EYS: variants seen among roughly 807,000 people sequenced by gnomAD.
EYS encodes the protein EGF-like photoreceptor maintenance factor.
EYS carries 250 observed loss-of-function variants against 282.1 expected under a neutral mutation model. The observed-to-expected ratio is 0.89, with a 90% CI of 0.80 to 0.98. The LOEUF (loss-of-function observed/expected upper bound fraction) is 0.98. EYS is among the 50% of genes least tolerant of loss of function. The pLI is 0.00. For synonymous variants in EYS, 1,355 were observed against 1,282.9 expected (o/e 1.06, Z -1.20); for missense variants, 4,016 against 3,709.0 (o/e 1.08, Z -2.15).
intron 36 of EYS, among the ~76,000 whole-genome samples, chr6:63,808,240 G>A (rs536517106): frequency 9.1e-4 from 138 of 152,298 alleles, no homozygotes; most frequent in African/African-American, 3.2e-3. Flanking sequence ...GCATGTTCTA[G>A]GGTGTGAAGA....
At chr6:63,818,377 G>C (rs1048973548) in intron 36 of EYS, among the ~76,000 whole-genome samples, 1 of 152,112 alleles carries the variant, frequency 6.6e-6, no homozygotes, top group Non-Finnish European at 1.5e-5. Flanking sequence ...GTTTCTGTTG[G>C]AGTTCACAGA....
At chr6:64,732,609 G>A (rs567545942) in intron 22 of EYS, among the ~76,000 whole-genome samples, 38 of 152,174 alleles carry the variant, frequency 2.5e-4, no homozygotes, top group African/African-American at 5.3e-4. Context: ...ACCTAGTGGC[G>A]TATAGTAAAA....
intron 13 of EYS, among the ~76,000 whole-genome samples, chr6:65,009,861 C>A (rs1771811060): frequency 6.6e-6 from 1 of 152,222 alleles, no homozygotes; most frequent in South Asian, 2.1e-4. Flanking sequence ...ATGTATCCTG[C>A]CTATACTGGC....
intron 26 of EYS, among the ~76,000 whole-genome samples, chr6:64,530,643 G>A (rs1370999980): frequency 6.6e-6 from 1 of 151,846 alleles, no homozygotes; most frequent in African/African-American, 2.4e-5. Flanking sequence ...TAATGACTTC[G>A]TTTTTGTGTT....
At chr6:65,564,905 T>C (rs1277538398) in intron 2 of EYS, among the ~76,000 whole-genome samples, 1 of 150,318 alleles carries the variant, frequency 6.7e-6, no homozygotes, top group Admixed American at 6.7e-5. Flanking sequence ...ATCCAGAATC[T>C]ACAAGGAACT....
At chr6:64,914,576 C>A (rs1166782556) in intron 15 of EYS, among the ~76,000 whole-genome samples, 1 of 151,918 alleles carries the variant, frequency 6.6e-6, no homozygotes, top group Admixed American at 6.6e-5. Context: ...TATCAAGGCC[C>A]TTTATAATTA....
intron 21 of EYS, among the ~76,000 whole-genome samples, chr6:64,814,975 C>T (rs1764706417): frequency 6.6e-6 from 1 of 151,908 alleles, no homozygotes; most frequent in South Asian, 2.1e-4. Flanking sequence ...AAAACTCATA[C>T]CGACAAGACT....
At chr6:65,262,070 C>T (rs1299377366) in intron 12 of EYS, among the ~76,000 whole-genome samples, 1 of 152,010 alleles carries the variant, frequency 6.6e-6, no homozygotes, top group African/African-American at 2.4e-5. Flanking sequence ...GAGATTTATC[C>T]TGTATCCCAT....
At chr6:65,031,174 T>TAC (rs3033917) in intron 13 of EYS, among the ~76,000 whole-genome samples, 39,476 of 146,464 alleles carry the variant, frequency 0.27, 6,456 homozygotes, top group African/African-American at 0.46. Flanking sequence ...CACACGCACA[T>TAC]ACACACACAC....
At chr6:63,781,962 G>A (rs765374674) in intron 39 of EYS, among the ~76,000 whole-genome samples, 3 of 152,270 alleles carry the variant, frequency 2.0e-5, no homozygotes, top group Non-Finnish European at 4.4e-5. Flanking sequence ...ATCATGAAGA[G>A]CTGTTGAATT....
chr6:64,650,790 C>T (rs1768528609), intron 22 of EYS, among the ~76,000 whole-genome samples: 1 of 152,002 alleles, frequency 6.6e-6, no homozygotes, highest in South Asian at 2.1e-4. Context: ...CATCTACCTA[C>T]AAACCTAGAG....
chr6:64,417,562 G>T (rs1774094485), intron 28 of EYS, among the ~76,000 whole-genome samples: 3 of 151,306 alleles, frequency 2.0e-5, no homozygotes, highest in Non-Finnish European at 2.9e-5. Flanking sequence ...CATTCAGGAA[G>T]AATTTTTTTT....
At chr6:64,733,743 C>T in intron 22 of EYS, 1 of 162,268 alleles carries the variant, frequency 6.2e-6, no homozygotes. Flanking sequence ...GTCTCCTGGC[C>T]AGCAGTAGCG....
At chr6:65,171,485 C>T (rs548144142) in intron 12 of EYS, among the ~76,000 whole-genome samples, 1 of 151,476 alleles carries the variant, frequency 6.6e-6, no homozygotes, top group Non-Finnish European at 1.5e-5. Context: ...TGAAGTTAAA[C>T]AGAAACAAAG....
At chr6:64,846,657 ATTG>A (rs1222802813) in intron 19 of EYS, among the ~76,000 whole-genome samples, 1 of 152,136 alleles carries the variant, frequency 6.6e-6, no homozygotes, top group African/African-American at 2.4e-5. Context: ...TCTCAAAGCA[ATTG>A]TTAATTAACA....
At chr6:65,094,422 A>G (rs931415587) in intron 12 of EYS, among the ~76,000 whole-genome samples, 5 of 151,356 alleles carry the variant, frequency 3.3e-5, no homozygotes, top group African/African-American at 7.2e-5. Context: ...AGCAGGATAA[A>G]CATTGTTTTT....
intron 28 of EYS, among the ~76,000 whole-genome samples, chr6:64,397,986 C>T (rs767255670): frequency 5.3e-5 from 8 of 151,052 alleles, no homozygotes; most frequent in Non-Finnish European, 1.0e-4. Flanking sequence ...TTTAGAATTG[C>T]ATTGTCAAAT....
intron 35 of EYS, among the ~76,000 whole-genome samples, chr6:63,901,441 G>A (rs562798130): frequency 6.0e-4 from 92 of 152,222 alleles, no homozygotes; most frequent in Non-Finnish European, 1.2e-3. Context: ...GCAAATAAAG[G>A]CCCCTAGAAC....
intron 18 of EYS, among the ~76,000 whole-genome samples, chr6:64,888,409 T>C (rs931434067): frequency 6.6e-6 from 1 of 152,030 alleles, no homozygotes; most frequent in Non-Finnish European, 1.5e-5. Context: ...AATGATACAA[T>C]GTATTCATGT....
Sources: allele counts gnomAD v4.1 joint callset (sites outside exome capture counted in the v4.1 genomes callset), GRCh38; gene constraint gnomAD v4.1.1; transcripts MANE v1.5; gene names NCBI Gene and HGNC (gene_info 2026-07-23, HGNC 2026-07-21).